ZC3H14: variants seen among roughly 807,000 people sequenced by gnomAD.
ZC3H14 encodes the protein zinc finger CCCH-type containing 14.
In ZC3H14, 31 loss-of-function variants were observed where a neutral mutation model predicts 92.4. That is an observed-to-expected ratio of 0.34 (90% CI 0.25 to 0.45). The LOEUF (loss-of-function observed/expected upper bound fraction) is 0.45, where lower values mean the gene tolerates loss of function less well. ZC3H14 is among the 20% of genes least tolerant of loss of function. ZC3H14 has a pLI of 1.00. For synonymous variants in ZC3H14, 321 were observed against 300.9 expected, an observed-to-expected ratio of 1.07 and a Z score of -0.69; for missense variants, 781 against 897.3, an observed-to-expected ratio of 0.87 and a Z score of 1.66.
intron 9 of ZC3H14, among the ~76,000 whole-genome samples, chr14:88,580,203 G>T (rs1190063086): frequency 6.6e-6 from 1 of 152,196 alleles, no homozygotes; most frequent in Admixed American, 6.5e-5. Flanking sequence ...CTCCAGGGAG[G>T]CTGAGGTGGG....
At position 88,574,752 on chromosome 14, in the gene ZC3H14, A is replaced by T. The variant is rs1475031372; in HGVS notation, c.921A>T (p.Lys307Asn). 5 of 1,614,176 alleles carry T rather than the reference A, an allele frequency of 3.1e-6. No homozygotes were observed. Among genetic ancestry groups the T allele is most frequent in the Admixed American group, 1.7e-5 (1 of 60,016 alleles). ...PVVSSVVKVK[K>N]FNHDGEEEEE... is the part of the protein sequence containing the mutation. ...TAAGTTCAGTTGTTAAAGTAAAAAA[A>T]TTCAATCATGATGGAGAAGAGGAGG... Residue 307 changes from lysine (K) to asparagine (N), a missense_variant, in exon 7 of 17, where the codon AAA becomes AAT. Lys to Asn is a moderately conservative substitution (Grantham distance 94). This residue lies in a region of ZC3H14 where 454 missense variants were observed against 438.5 expected (regional missense o/e 1.04). Coordinates refer to ENST00000251038, the MANE Select transcript of ZC3H14 (RefSeq NM_024824.5).
At chr14:88,598,767 G>A (rs562161192) in intron 10 of ZC3H14, among the ~76,000 whole-genome samples, 12 of 152,234 alleles carry the variant, frequency 7.9e-5, no homozygotes, top group African/African-American at 2.6e-4. Flanking sequence ...TGTAGAGGTC[G>A]GGATTGGTGT....
intron 9 of ZC3H14, among the ~76,000 whole-genome samples, chr14:88,588,077 C>A (rs573427266): frequency 2.0e-5 from 3 of 151,208 alleles, no homozygotes; most frequent in Admixed American, 2.0e-4. Context: ...TTCTTTTTTC[C>A]CTTCTTTCAT....
At chr14:88,585,335 C>T (rs1035215295) in intron 9 of ZC3H14, among the ~76,000 whole-genome samples, 2 of 149,558 alleles carry the variant, frequency 1.3e-5, no homozygotes, top group African/African-American at 4.9e-5. Flanking sequence ...AACCCTGGTT[C>T]TACAATTTTA....
intron 2 of ZC3H14, among the ~76,000 whole-genome samples, chr14:88,566,462 G>A (rs1485396989): frequency 2.0e-5 from 3 of 152,098 alleles, no homozygotes; most frequent in Admixed American, 2.0e-4. Context: ...ACTAACAGAT[G>A]AGAGAATTGA....
chr14:88,602,721 C>A, intron 11 of ZC3H14, 107 bp from the exon 12 acceptor site: 2 of 1,228,192 alleles, frequency 1.6e-6, no homozygotes, highest in Non-Finnish European at 2.3e-6. Flanking sequence ...TTTATTGAAC[C>A]AAACGCAAAG....
chr14:88,615,906 A>C lies in ZC3H14; in HGVS notation c.*4155A>C. On this transcript the variant is annotated 3_prime_UTR_variant, in exon 17 of 17. Transcript: ENST00000251038. ...GAGTTAATTATGTTTTTAGATTTTC[A>C]TAACAGTTTAATATTTTTCAGTTGT... 3 of 1,567,534 alleles carry C rather than the reference A, an allele frequency of 1.9e-6. No homozygotes were observed. The highest frequency in any genetic ancestry group is 1.7e-6 in the Non-Finnish European group (2 of 1,152,788).
rs2086562352 is a variant in ZC3H14, at chr14:88,610,836, T to C, written c.2100T>C (p.His700=). 2 of 1,613,602 alleles carry C rather than the reference T, an allele frequency of 1.2e-6. No individual in the cohort carries two copies. The highest frequency in any genetic ancestry group is 2.2e-5 in the East Asian group (1 of 44,878). ...KMECPFYHPK[H]CRFNTQCTRP... is the part of the protein sequence containing the mutation. ...GAAGCTCTGTTATCTCTATTCAGCATTGTAGGTTTAACACTCAATGTACAA... is the reference window on the plus strand; with the variant it reads ...GAAGCTCTGTTATCTCTATTCAGCACTGTAGGTTTAACACTCAATGTACAA... The change falls in exon 16 of 17, where the codon CAT becomes CAC. Residue 700 remains histidine, a splice_region_variant and synonymous_variant. Transcript: ENST00000251038.
intron 1 of ZC3H14, 113 bp from the exon 2 acceptor site, chr14:88,563,538 C>A (rs1297013656): frequency 1.3e-6 from 2 of 1,577,188 alleles, no homozygotes; most frequent in Non-Finnish European, 1.7e-6. Flanking sequence ...CCAGCCCCCG[C>A]CCGGGGGATC....
intron 9 of ZC3H14, among the ~76,000 whole-genome samples, chr14:88,578,791 T>G (rs2081512960): frequency 6.8e-6 from 1 of 147,704 alleles, no homozygotes; most frequent in Non-Finnish European, 1.5e-5. Flanking sequence ...GTTTTTTTTT[T>G]TTTTTTTTTT....
In ZC3H14 at chr14:88,615,751, G is replaced by T; in HGVS notation, c.*4000G>T. 1 of 1,499,796 alleles carries T rather than the reference G, an allele frequency of 6.7e-7. No homozygotes were observed. Among genetic ancestry groups the T allele is most frequent in the Non-Finnish European group, 9.1e-7 (1 of 1,095,904 alleles). 92.9% of individuals were successfully genotyped at this position (1,499,796 alleles called of 1,614,324 possible). A position where few individuals can be genotyped will look rare whatever the true frequency, so the allele number is the denominator to read the frequency against. On this transcript the variant is annotated 3_prime_UTR_variant, in exon 17 of 17. Transcript: ENST00000251038. Reference sequence around the variant, plus strand: ...TAGCACCACTTGACCATGCAGGGTTGGGTTTTGGTTTTTCTTCTCTGTAAT... The same window carrying T: ...TAGCACCACTTGACCATGCAGGGTTTGGTTTTGGTTTTTCTTCTCTGTAAT...
intron 9 of ZC3H14, among the ~76,000 whole-genome samples, chr14:88,579,970 G>A (rs2081678561): frequency 6.6e-6 from 1 of 152,224 alleles, no homozygotes; most frequent in Non-Finnish European, 1.5e-5. Flanking sequence ...CCAACACTTT[G>A]GGAGGCTGAG....
chr14:88,593,173 G>A (rs1308976944), intron 9 of ZC3H14, among the ~76,000 whole-genome samples: 1 of 151,974 alleles, frequency 6.6e-6, no homozygotes, highest in African/African-American at 2.4e-5. Flanking sequence ...TCGCCACATT[G>A]GTCAGGCTGG....
At chr14:88,606,745 C>T (rs1357198862) in intron 12 of ZC3H14, among the ~76,000 whole-genome samples, 2 of 71,546 alleles carry the variant, frequency 2.8e-5, no homozygotes, top group Non-Finnish European at 5.9e-5. Context: ...AGGACCCTGT[C>T]GTAAAAAAAA....
intron 12 of ZC3H14, among the ~76,000 whole-genome samples, chr14:88,606,747 TAAAAAAAAAAAAAA>T (rs34408574): frequency 7.3e-5 from 7 of 95,872 alleles, no homozygotes; most frequent in Non-Finnish European, 1.4e-4. Context: ...GACCCTGTCG[TAAAAAAAAAAAAAA>T]AAAAAAAAAG....
At chr14:88,587,214 G>T (rs1288865984) in intron 9 of ZC3H14, among the ~76,000 whole-genome samples, 1 of 151,192 alleles carries the variant, frequency 6.6e-6, no homozygotes, top group Non-Finnish European at 1.5e-5. Flanking sequence ...CCAGGCTGGA[G>T]TGCAGTGGCG....
intron 9 of ZC3H14, chr14:88,591,667 A>G (rs917731012): frequency 5.3e-5 from 8 of 152,214 alleles, no homozygotes; most frequent in Non-Finnish European, 1.0e-4. Flanking sequence ...GAAGAACTGC[A>G]CTTAAAAGTT....
In ZC3H14 at chr14:88,577,961, A is replaced by G. The variant is rs73317790; in HGVS notation, c.1124-24A>G. ...GACGTATTACTGCATTTGTATTTCT[A>G]TCTTTTTTGCTTTTATGTGAAAGTT... On this transcript the variant is annotated intron_variant, in intron 8 of 16. Coordinates refer to ENST00000251038, the MANE Select transcript of ZC3H14 (RefSeq NM_024824.5). 3,004 of 1,613,772 alleles carry G rather than the reference A, an allele frequency of 1.9e-3. 37 individuals carry two copies. In the African/African-American group the frequency reaches 0.036, roughly 19 times the overall value.
At position 88,621,399 on chromosome 14, in the gene ZC3H14, CT is replaced by C. The variant is rs755515962; in HGVS notation, c.*9653del. 9 of 1,479,756 alleles carry C rather than the reference CT, an allele frequency of 6.1e-6. No individual in the cohort carries two copies. The Admixed American group carries it at 1.6e-4, about 26-fold the overall frequency. 91.7% of individuals were successfully genotyped at this position (1,479,756 alleles called of 1,614,324 possible). On this transcript the variant is annotated 3_prime_UTR_variant, in exon 17 of 17. Coordinates refer to ENST00000251038, the MANE Select transcript of ZC3H14 (RefSeq NM_024824.5). ...ACCCTATTGACCTGCTTTCAGAGAA[CT>C]TTTTGCTTTGAGCTAATCTAGTAGC...
Sources: allele counts gnomAD v4.1 joint callset (sites outside exome capture counted in the v4.1 genomes callset), GRCh38; gene constraint gnomAD v4.1.1; regional missense constraint gnomAD v4.1.1; transcripts MANE v1.5; gene names NCBI Gene and HGNC (gene_info 2026-07-23, HGNC 2026-07-21).